The following HYDIN variants were observed in gnomAD, a reference collection of about 807,000 sequenced individuals.
HYDIN encodes the protein HYDIN axonemal central pair apparatus protein, also known as axonemal central pair apparatus protein HYDIN.
In HYDIN, 132 loss-of-function variants were observed where a neutral mutation model predicts 403.9. That is an observed-to-expected ratio of 0.33 (90% confidence interval 0.28 to 0.38). The LOEUF (loss-of-function observed/expected upper bound fraction) is 0.38, where lower values mean the gene tolerates loss of function less well. Among genes scored for constraint, HYDIN ranks in the 10% least tolerant of loss-of-function variants. HYDIN has a pLI of 1.00. For missense variants in HYDIN, 2,827 were observed against 5,009.5 expected (o/e 0.56, Z 13.15); for synonymous variants, 1,202 against 1,891.7 (o/e 0.64, Z 9.46).
intron 18 of HYDIN, among the ~76,000 whole-genome samples, chr16:71,045,571 T>C (rs1233673985): frequency 6.8e-6 from 1 of 147,544 alleles, no homozygotes. Context: ...CCATCATCTT[T>C]TGAGAGTCAT....
intron 23 of HYDIN, among the ~76,000 whole-genome samples, chr16:71,010,629 C>T (rs1003706772): frequency 6.6e-6 from 1 of 152,040 alleles, no homozygotes; most frequent in African/African-American, 2.4e-5. Context: ...GGAGGCTCAG[C>T]CACCCAGCAG....
chr16:70,879,462 G>C lies in HYDIN; in HGVS notation c.10392C>G (p.Leu3464=). The C allele has an allele frequency of 6.2e-7, 1 of 1,613,366 alleles. No homozygotes were observed. Among genetic ancestry groups the C allele is most frequent in the East Asian group, 2.2e-5 (1 of 44,864 alleles). Residue 3464 remains leucine, a synonymous_variant, in exon 62 of 86, where the codon CTC becomes CTG. Coordinates refer to ENST00000393567, the MANE Select transcript of HYDIN (RefSeq NM_001270974.2). ...LPSTLAKSRG[L]VFDIAGEGNL... The stretch of plus-strand genomic sequence containing the variant: ...TCCCCTCACCAGCGATGTCAAACAC[G>C]AGGCCTCGGCTCTTGGCCAGGGTGC...
intron 9 of HYDIN, among the ~76,000 whole-genome samples, chr16:71,116,168 A>G (rs1226590858): frequency 6.6e-6 from 1 of 150,556 alleles, no homozygotes; most frequent in Non-Finnish European, 1.5e-5. Flanking sequence ...TCCGCCCCCA[A>G]TCCCACCCTC....
rs200603580 is a variant in HYDIN at position 70,839,979 on chromosome 16, G to A, written c.13043+85C>T. 177 of 449,314 alleles carry A rather than the reference G, an allele frequency of 3.9e-4. 1 individual carries two copies. Among genetic ancestry groups the A allele is most frequent in the Non-Finnish European group, 5.2e-4 (154 of 295,564 alleles). 27.8% of individuals were successfully genotyped at this position (449,314 alleles called of 1,614,324 possible). ...CCCATAATCATTTTTTTTTTTTTTT[G>A]TCTTGGCAGGGCTTCACCTGTGTGG... is the stretch of plus-strand genomic sequence containing the variant. On this transcript the variant is annotated intron_variant, in intron 76 of 85. Transcript: ENST00000393567.
chr16:70,970,520 C>G lies in HYDIN; in HGVS notation c.5619G>C (p.Lys1873Asn). 6.3e-7 allele frequency: 1 copy of G among 1,594,206 alleles called. No individual in the cohort carries two copies. The change falls in exon 36 of 86, where the codon AAG becomes AAC. Residue 1873 changes from lysine (K) to asparagine (N), a missense_variant and splice_region_variant. Lys to Asn is a moderately conservative substitution (Grantham distance 94). Transcript: ENST00000393567. ...ACAGTTTGGTTTGACCTCTGCTCAC[C>G]TTTTCTTCTATGAGATACTGCTGAT... ...EFDQQYLIEE[K>N]ILRKLKGYDS...
At chr16:71,073,071 A>G (rs1037636078) in intron 13 of HYDIN, among the ~76,000 whole-genome samples, 9 of 152,254 alleles carry the variant, frequency 5.9e-5, no homozygotes, top group African/African-American at 2.2e-4. Flanking sequence ...AACAGAAAAA[A>G]CCTTCAGAAG....
chr16:71,199,162 T>C (rs774561211), intron 1 of HYDIN, among the ~76,000 whole-genome samples: 4 of 152,246 alleles, frequency 2.6e-5, no homozygotes, highest in Non-Finnish European at 4.4e-5. Flanking sequence ...TTCAAGTCTC[T>C]TGGCTTTTTT....
At chr16:70,949,560 G>A (rs1553956) in intron 41 of HYDIN, among the ~76,000 whole-genome samples, 1 of 127,158 alleles carries the variant, frequency 7.9e-6, no homozygotes, top group Non-Finnish European at 1.7e-5. Context: ...TGAGCTTATG[G>A]GCCACATCTT....
intron 38 of HYDIN, 95 bp downstream of exon 38, chr16:70,961,864 C>A (rs879021542): frequency 1.9e-5 from 18 of 945,388 alleles, no homozygotes; most frequent in Non-Finnish European, 2.5e-5. Context: ...AGGAGCCATA[C>A]GAGGAGGCTT....
rs1487228812 is a variant in HYDIN, at chr16:70,959,052, T to C, written c.6142+595A>G. Among the ~76,000 whole-genome samples, 7 of 139,676 alleles carry C rather than the reference T, an allele frequency of 5.0e-5. No individual in the cohort carries two copies. The East Asian group carries it at 9.7e-4, about 19-fold the overall frequency. The allele number at this position is 139,676 out of a possible 152,430, so 91.6% of individuals were successfully genotyped here. On this transcript the variant is annotated intron_variant, in intron 39 of 85. Transcript: ENST00000393567. The stretch of plus-strand genomic sequence containing the variant: ...ACTGCAAATTACTATACAAATAAGA[T>C]TTTTTTTTTCCCAATGTAGGTGATT...
chr16:71,086,071 C>T (rs985665067), intron 12 of HYDIN, among the ~76,000 whole-genome samples: 2 of 152,090 alleles, frequency 1.3e-5, no homozygotes, highest in African/African-American at 4.8e-5. Flanking sequence ...TTTTCTGTTC[C>T]TCTATTCCTC....
At position 71,110,301 on chromosome 16, in the gene HYDIN, TAATA is replaced by T. The variant is rs1010853946; in HGVS notation, c.1327+5391_1327+5394del. 1.1e-3 allele frequency among the ~76,000 whole-genome samples: 160 copies of T among 144,104 alleles called. 1 individual carries two copies. The highest frequency in any genetic ancestry group is 1.6e-3 in the Non-Finnish European group (104 of 66,214). The allele number at this position is 144,104 out of a possible 152,430, so 94.5% of individuals were successfully genotyped here. ...TAATATATAATAGATATAATAAATATAATAAATATATAAAAATTTATATCTAAAT... is the reference window on the plus strand; with the variant it reads ...TAATATATAATAGATATAATAAATATAATATATAAAAATTTATATCTAAAT... On this transcript the variant is annotated intron_variant, in intron 10 of 85. Coordinates refer to ENST00000393567, the MANE Select transcript of HYDIN (RefSeq NM_001270974.2).
chr16:70,938,246 C>T (rs577838454), intron 44 of HYDIN, among the ~76,000 whole-genome samples: 4 of 152,320 alleles, frequency 2.6e-5, no homozygotes, highest in South Asian at 2.1e-4. Context: ...ATTGAAGCAC[C>T]GAGGCAGTGA....
At chr16:70,886,223 G>A (rs935224219) in intron 58 of HYDIN, among the ~76,000 whole-genome samples, 1 of 151,892 alleles carries the variant, frequency 6.6e-6, no homozygotes, top group Non-Finnish European at 1.5e-5. Context: ...TTTTTCTAGA[G>A]TCTATCCATG....
intron 12 of HYDIN, among the ~76,000 whole-genome samples, chr16:71,086,259 G>A (rs1198291574): frequency 6.6e-6 from 1 of 152,232 alleles, no homozygotes. Context: ...CATCAGGAAT[G>A]TCTAAGAAAC....
chr16:71,220,216 G>A (rs999503875), intron 1 of HYDIN, among the ~76,000 whole-genome samples: 3 of 152,142 alleles, frequency 2.0e-5, no homozygotes, highest in African/African-American at 4.8e-5. Flanking sequence ...CCTGATGAGC[G>A]TTTTCATGTT....
At chr16:71,202,504 G>A (rs1011814221) in intron 1 of HYDIN, among the ~76,000 whole-genome samples, 1 of 151,988 alleles carries the variant, frequency 6.6e-6, no homozygotes, top group Non-Finnish European at 1.5e-5. Flanking sequence ...AAATAAATAA[G>A]CTGCAGTCTA....
rs773972021 is a variant in HYDIN, at chr16:71,069,317, T to C, written c.1924A>G (p.Ile642Val). The C allele has an allele frequency of 1.7e-5, 28 of 1,613,706 alleles. No homozygotes were observed. Among genetic ancestry groups the C allele is most frequent in the East Asian group, 2.2e-5 (1 of 44,890 alleles). ...ISSMKPKEFT[I>V]SPDCGTIRPQ... ...CGAATGGTGCCACAGTCAGGAGAGA[T>C]GGTGAATTCTTTTGGTTTCATTGAG... Residue 642 changes from isoleucine to valine, a missense_variant, in exon 14 of 86, where the codon ATC (isoleucine) becomes GTC (valine). Physicochemically the swap from Ile to Val is conservative, Grantham distance 29. Transcript: ENST00000393567.
Position 70,804,928 on chromosome 16 carries a change from G to T in HYDIN, c.*2652C>A, listed in dbSNP as rs2035043419. 6.6e-6 allele frequency among the ~76,000 whole-genome samples: 1 copy of T among 152,248 alleles called. No homozygotes were observed. The highest frequency in any genetic ancestry group is 2.1e-4 in the South Asian group (1 of 4,838). ...GTTGCCCCTAGCCACCCCAAGGCTGGCTATAAGCCATGCTGGGGCTGGTGG... is the reference window on the plus strand; with the variant it reads ...GTTGCCCCTAGCCACCCCAAGGCTGTCTATAAGCCATGCTGGGGCTGGTGG... On this transcript the variant is annotated 3_prime_UTR_variant, in exon 86 of 86. Coordinates refer to ENST00000393567, the MANE Select transcript of HYDIN (RefSeq NM_001270974.2).
Sources: gnomAD v4.1 joint callset for allele counts (sites outside exome capture counted in the v4.1 genomes callset) on GRCh38, gnomAD v4.1.1 for gene constraint, MANE v1.5 for transcripts, NCBI Gene and HGNC (gene_info 2026-07-23, HGNC 2026-07-21) for gene names.